Variants in GATAD1 observed in about 807,000 individuals in gnomAD.
The protein encoded by GATAD1 is GATA zinc finger domain-containing protein 1.
GATAD1 carries 12 observed loss-of-function variants against 26.5 expected under a neutral mutation model. That is an observed-to-expected ratio of 0.45 (90% CI 0.29 to 0.73). The LOEUF (loss-of-function observed/expected upper bound fraction) is 0.73, where lower values mean the gene tolerates loss of function less well. GATAD1 is among the 30% of genes least tolerant of loss of function. GATAD1 has a pLI of 0.10. For missense variants in GATAD1, 266 were observed against 342.1 expected (o/e 0.78, Z 1.75); for synonymous variants, 129 against 133.1 (o/e 0.97, Z 0.21).
intron 3 of GATAD1, among the ~76,000 whole-genome samples, chr7:92,451,625 C>T (rs1789434762): frequency 6.6e-6 from 1 of 152,220 alleles, no homozygotes; most frequent in East Asian, 1.9e-4. Flanking sequence ...ACTGGCATTC[C>T]TCAGCAGGGC....
rs1585171005 is a variant in GATAD1, at chr7:92,454,570, T to C, written c.504T>C (p.Ala168=). ...IDEQDGKPYY[A]QIRGFIQDQY... ...AACAAGATGGAAAGCCCTACTATGCTCAAATCAGAGGTTTTATCCAGGACC... is the reference window on the plus strand; with the variant it reads ...AACAAGATGGAAAGCCCTACTATGCCCAAATCAGAGGTTTTATCCAGGACC... The change falls in exon 4 of 5, where the codon GCT becomes GCC. Residue 168 remains alanine (A), a synonymous_variant. Coordinates refer to ENST00000287957, the MANE Select transcript of GATAD1 (RefSeq NM_021167.5). 2 of 1,613,244 alleles carry C rather than the reference T, an allele frequency of 1.2e-6. No individual in the cohort carries two copies. The highest frequency in any genetic ancestry group is 2.2e-5 in the South Asian group (2 of 91,062).
At chr7:92,477,874 G>T in the GATAD1 span, 4 of 154,968 alleles carry the variant, frequency 2.6e-5, no homozygotes, top group African/African-American at 7.2e-5. Context: ...GAGTGCAGTT[G>T]CAAGATTTAA....
chr7:92,468,452 G>C, the GATAD1 span: 983 of 213,450 alleles, frequency 4.6e-3, 5 homozygotes, highest in Middle Eastern at 0.015. Flanking sequence ...GGACCCAAAG[G>C]GGGTTGCCGT....
chr7:92,492,817 A>C, the GATAD1 span: 1 of 739,578 alleles, frequency 1.4e-6, no homozygotes, highest in East Asian at 2.5e-5. Flanking sequence ...GGAACATTCA[A>C]CTAAAGGTAA....
chr7:92,480,551 A>G, the GATAD1 span, among the ~76,000 whole-genome samples: 1 of 152,268 alleles, frequency 6.6e-6, no homozygotes, highest in East Asian at 1.9e-4. Flanking sequence ...ACCTACATGG[A>G]AGAGGTTATG....
chr7:92,483,748 G>A, the GATAD1 span, among the ~76,000 whole-genome samples: 6 of 152,226 alleles, frequency 3.9e-5, no homozygotes, highest in Admixed American at 1.3e-4. Context: ...GGCAGATGGG[G>A]GAGGGCTAGT....
intron 2 of GATAD1, 194 bp downstream of exon 2, chr7:92,449,071 T>C (rs1789303386): frequency 8.7e-6 from 9 of 1,035,476 alleles, no homozygotes; most frequent in African/African-American, 1.6e-5. Context: ...TTAATAATAC[T>C]CTTTCCTTTT....
At chr7:92,470,325 G>A in the GATAD1 span, 1 of 763,970 alleles carries the variant, frequency 1.3e-6, no homozygotes, top group East Asian at 2.4e-5. Flanking sequence ...GGGGTGCAGT[G>A]AGAGTGAAAG....
At chr7:92,452,829 T>G (rs548934817) in intron 3 of GATAD1, among the ~76,000 whole-genome samples, 1 of 152,390 alleles carries the variant, frequency 6.6e-6, no homozygotes, top group Non-Finnish European at 1.5e-5. Context: ...GGATTCATAT[T>G]CATTCAGCAT....
the GATAD1 span, among the ~76,000 whole-genome samples, chr7:92,486,373 T>C: frequency 2.6e-3 from 397 of 152,374 alleles, 16 homozygotes; most frequent in East Asian, 0.073. Context: ...TAAATGGTTT[T>C]TACATTGTTT....
intron 3 of GATAD1, among the ~76,000 whole-genome samples, chr7:92,451,900 G>A (rs370587579): frequency 6.6e-6 from 1 of 152,192 alleles, no homozygotes; most frequent in South Asian, 2.1e-4. Flanking sequence ...CATGGAGTGA[G>A]GCAGTCTCAT....
Position 92,454,618 on chromosome 7 carries a change from A to G in GATAD1, c.552A>G (p.Ala184=), listed in dbSNP as rs576944000. 4 of 1,613,520 alleles carry G rather than the reference A, an allele frequency of 2.5e-6. No homozygotes were observed. The highest frequency in any genetic ancestry group is 2.2e-5 in the East Asian group (1 of 44,896). Residue 184 remains alanine (A), a synonymous_variant, in exon 4 of 5, where the codon GCA becomes GCG. Transcript: ENST00000287957. The stretch of plus-strand genomic sequence containing the variant: ...ACCAGTATTGCGAGAAGAGTGCAGC[A>G]CTGACGTGGCTCATTCCTACCCTCT... ...IQDQYCEKSA[A]LTWLIPTLSS...
the GATAD1 span, among the ~76,000 whole-genome samples, chr7:92,466,894 C>A: frequency 3.3e-5 from 5 of 152,154 alleles, no homozygotes; most frequent in Non-Finnish European, 5.9e-5. Context: ...TAGGCTGTTA[C>A]CCTCCCACAG....
intron 2 of GATAD1, 24 bp from the exon 3 acceptor site, chr7:92,450,677 C>T (rs1213431726): frequency 1.3e-6 from 2 of 1,548,136 alleles, no homozygotes; most frequent in South Asian, 1.1e-5. Flanking sequence ...TATGAATGTG[C>T]TAATGTTTTT....
chr7:92,453,565 G>A (rs995419600), intron 3 of GATAD1, among the ~76,000 whole-genome samples: 27 of 152,346 alleles, frequency 1.8e-4, no homozygotes, highest in African/African-American at 6.0e-4. Context: ...ACTGGGAGTG[G>A]AAGAGAAAGG....
At chr7:92,482,684 G>A in the GATAD1 span, among the ~76,000 whole-genome samples, 1 of 152,146 alleles carries the variant, frequency 6.6e-6, no homozygotes, top group Admixed American at 6.5e-5. Flanking sequence ...GGGTTGGGAA[G>A]AAGGGCGGCA....
At chr7:92,470,010 T>G in the GATAD1 span, 1 of 778,634 alleles carries the variant, frequency 1.3e-6, no homozygotes, top group South Asian at 1.3e-5. Flanking sequence ...GTTTTTCTCT[T>G]GCCTGATCTT....
chr7:92,452,731 G>T (rs1789491758), intron 3 of GATAD1, among the ~76,000 whole-genome samples: 1 of 152,208 alleles, frequency 6.6e-6, no homozygotes. Flanking sequence ...CCTACTATGT[G>T]CCAGGCACTG....
the GATAD1 span, chr7:92,493,990 T>TG: frequency 3.1e-6 from 1 of 325,942 alleles, no homozygotes; most frequent in Non-Finnish European, 5.9e-6. Context: ...GACAGGATAA[T>TG]GGAAGTATGT....
Sources: allele counts gnomAD v4.1 joint callset (sites outside exome capture counted in the v4.1 genomes callset), GRCh38; gene constraint gnomAD v4.1.1; transcripts MANE v1.5; gene names NCBI Gene and HGNC (gene_info 2026-07-23, HGNC 2026-07-21).